The following THBS3 variants were observed in gnomAD, a reference collection of about 807,000 sequenced individuals.
The protein encoded by THBS3 is thrombospondin-3.
A neutral mutation model predicts 118.3 loss-of-function variants in THBS3; 78 were observed. The ratio of observed to expected loss-of-function variants is 0.66; its 90% confidence interval spans 0.55 to 0.80. THBS3 has a LOEUF of 0.80. Among genes scored for constraint, THBS3 ranks in the 30% least tolerant of loss-of-function variants. The pLI is 0.00. For synonymous variants in THBS3, 427 were observed against 475.3 expected, an observed-to-expected ratio of 0.90 and a Z score of 1.32; for missense variants, 1,057 against 1,247.4, an observed-to-expected ratio of 0.85 and a Z score of 2.30.
chr1:155,197,218 G>A lies in THBS3; in HGVS notation c.2500-5C>T, dbSNP rs774186512. ...GCCAGACACTGATGTCACTGCCTAG[G>A]AGACATTGGCAAAGACAGTGGGTCA... On this transcript the variant is annotated splice_polypyrimidine_tract_variant and splice_region_variant and intron_variant, in intron 20 of 22. Coordinates refer to ENST00000368378, the MANE Select transcript of THBS3 (RefSeq NM_007112.5). This position sits in a 1 kb window ranked among gnomAD's most constrained non-coding sequence, Gnocchi z 5.0. 3.1e-6 allele frequency: 5 copies of A among 1,612,134 alleles called. No individual in the cohort carries two copies. The highest frequency in any genetic ancestry group is 3.3e-5 in the Admixed American group (2 of 59,958).
At position 155,200,999 on chromosome 1, in the gene THBS3, G is replaced by A; in HGVS notation, c.1446C>T (p.Asn482=). Reference sequence around the variant, plus strand: ...GCCCAGAGTTGGGTGTCAAAAGGCAGTTGTCCTAAAGTTCAGGGGAAGAGG... The same window carrying A: ...GCCCAGAGTTGGGTGTCAAAAGGCAATTGTCCTAAAGTTCAGGGGAAGAGG... The part of the protein sequence containing the change: ...MDNNKHCKQD[N]CLLTPNSGQE... Residue 482 remains asparagine, a synonymous_variant, in exon 13 of 23, where the codon AAC becomes AAT. Coordinates refer to ENST00000368378, the MANE Select transcript of THBS3 (RefSeq NM_007112.5). The A allele has an allele frequency of 1.2e-6, 2 of 1,614,208 alleles. No homozygotes were observed. The highest frequency in any genetic ancestry group is 2.2e-5 in the South Asian group (2 of 91,084).
In THBS3 at chr1:155,201,399, G is replaced by A. The variant is rs199816143; in HGVS notation, c.1329+18C>T. On this transcript the variant is annotated intron_variant, in intron 11 of 22. Coordinates refer to ENST00000368378, the MANE Select transcript of THBS3 (RefSeq NM_007112.5). ...CCCAGACCCTCCCTTTTCCTTCCAC[G>A]CCTGAAGCCTAGCTCACCTGGCAGG... 56 of 1,585,128 alleles carry A rather than the reference G, an allele frequency of 3.5e-5. No individual in the cohort carries two copies. In the African/African-American group the frequency reaches 5.1e-4, roughly 14 times the overall value.
At position 155,198,086 on chromosome 1, in the gene THBS3, C is replaced by G. The variant is rs776932313; in HGVS notation, c.2209G>C (p.Glu737Gln). 3 of 1,614,200 alleles carry G rather than the reference C, an allele frequency of 1.9e-6. No individual in the cohort carries two copies. The South Asian group carries it at 3.3e-5, about 18-fold the overall frequency. Residue 737 changes from glutamate to glutamine, a missense_variant, in exon 18 of 23, where the codon GAG becomes CAG. Coordinates refer to ENST00000368378, the MANE Select transcript of THBS3 (RefSeq NM_007112.5). ...TTTGGGTCAATCTGAGCATCACCCT[C>G]AGGATCCAGGACGACGGTCTGATAG... ...RAYQTVVLDP[E>Q]GDAQIDPNWV...
Position 155,199,792 on chromosome 1 carries a change from C to T in THBS3, c.1880+12G>A, listed in dbSNP as rs1012069595. ...AAAAGAAAGACCTTGCGTCTCTTGA[C>T]CAAGACCTTACCTGTCTTCATTAGT... On this transcript the variant is annotated intron_variant, in intron 16 of 22. Coordinates refer to ENST00000368378, the MANE Select transcript of THBS3 (RefSeq NM_007112.5). 4 of 1,614,102 alleles carry T rather than the reference C, an allele frequency of 2.5e-6. No homozygotes were observed. In the African/African-American group the frequency reaches 4.0e-5, roughly 16 times the overall value.
At position 155,197,992 on chromosome 1, in the gene THBS3, C is replaced by T. The variant is rs1668976227; in HGVS notation, c.2253+50G>A. On this transcript the variant is annotated intron_variant, in intron 18 of 22. Coordinates refer to ENST00000368378, the MANE Select transcript of THBS3 (RefSeq NM_007112.5). This position sits in a 1 kb window ranked among gnomAD's most constrained non-coding sequence, Gnocchi z 5.0. ...GTGCTATCCCTCCCAGGCCCCCCGTCCCAGTAGCCCTGTCTGATAGCACCT... is the reference window on the plus strand; with the variant it reads ...GTGCTATCCCTCCCAGGCCCCCCGTTCCAGTAGCCCTGTCTGATAGCACCT... 3 of 1,613,944 alleles carry T rather than the reference C, an allele frequency of 1.9e-6. No homozygotes were observed. Among genetic ancestry groups the T allele is most frequent in the East Asian group, 2.2e-5 (1 of 44,900 alleles).
rs760164311 is a variant in THBS3, at chr1:155,199,858, TGAGA to T, written c.1828-6_1828-3del. On this transcript the variant is annotated splice_polypyrimidine_tract_variant and splice_region_variant and intron_variant, in intron 15 of 22. Coordinates refer to ENST00000368378, the MANE Select transcript of THBS3 (RefSeq NM_007112.5). ...CACCAGGTCGCTGTCTGCATCTGTC[TGAGA>T]GAGAGGGACCTGTTCTCACCATCTC... The T allele has an allele frequency of 6.2e-7, 1 of 1,614,216 alleles. No homozygotes were observed. The highest frequency in any genetic ancestry group is 8.5e-7 in the Non-Finnish European group (1 of 1,180,026).
chr1:155,196,792 G>T (rs1668741994), intron 21 of THBS3: 2 of 518,874 alleles, frequency 3.9e-6, no homozygotes, highest in Admixed American at 6.7e-5. Flanking sequence ...GATTGGCCTG[G>T]GTTTGGAGGC....
intron 2 of THBS3, 104 bp from the exon 3 acceptor site, chr1:155,205,420 C>T: frequency 6.9e-7 from 1 of 1,454,274 alleles, no homozygotes; most frequent in Non-Finnish European, 9.3e-7. Flanking sequence ...GGGCCCCTAT[C>T]CCTAATTCTA....
rs1044899163 is a variant in THBS3, at chr1:155,198,319, C to T, written c.2074+90G>A. On this transcript the variant is annotated intron_variant, in intron 17 of 22. Transcript: ENST00000368378. ...CTGCATTCCTGACATCTTTCCCCAC[C>T]TTGCCCTTCCTCACTTCCCAACAGG... 3 of 1,585,844 alleles carry T rather than the reference C, an allele frequency of 1.9e-6. No individual in the cohort carries two copies. The African/African-American group carries it at 4.0e-5, about 21-fold the overall frequency.
In THBS3 at chr1:155,195,697, C is replaced by A; in HGVS notation, c.*144G>T. 1.2e-6 allele frequency: 1 copy of A among 839,156 alleles called. No homozygotes were observed. The highest frequency in any genetic ancestry group is 1.9e-6 in the Non-Finnish European group (1 of 528,980). The allele number at this position is 839,156 out of a possible 1,614,324, so 52.0% of individuals were successfully genotyped here. ...ATCCCCTGAAGGGTGGGGTGACCAC[C>A]CCTCTGGGACTGAACTCCTTTTGGG... On this transcript the variant is annotated 3_prime_UTR_variant, in exon 23 of 23. Transcript: ENST00000368378.
rs1325679346 is a variant in THBS3 at position 155,202,149 on chromosome 1, C to T, written c.1098+112G>A. 3.3e-5 allele frequency: 52 copies of T among 1,597,726 alleles called. No homozygotes were observed. The highest frequency in any genetic ancestry group is 1.1e-4 in the East Asian group (5 of 44,666). ...TCAACATTAAGCCCAGACCCAAAGC[C>T]GATGCAAAGCCATCCATGTCCCATT... On this transcript the variant is annotated intron_variant, in intron 9 of 22. Transcript: ENST00000368378. The surrounding 1 kb of genome is among the most constrained non-coding windows in gnomAD (Gnocchi z 5.5).
In THBS3 at chr1:155,197,900, CTG is replaced by C; in HGVS notation, c.2280_2281del (p.Asn760LysfsTer2). ...CATACCAACTGCCAAGCCAGGGTCA[CTG>C]TTCATGGTCTGAACGATTTCCATGC... On this transcript the variant is annotated frameshift_variant, in exon 19 of 23. Coordinates refer to ENST00000368378, the MANE Select transcript of THBS3 (RefSeq NM_007112.5). LOFTEE classifies it high-confidence loss of function. The surrounding 1 kb of genome is among the most constrained non-coding windows in gnomAD (Gnocchi z 5.0). The C allele has an allele frequency of 6.2e-7, 1 of 1,614,104 alleles. No individual in the cohort carries two copies.
chr1:155,201,894 G>A (rs560177048), intron 10 of THBS3, 63 bp downstream of exon 10: 1 of 1,605,188 alleles, frequency 6.2e-7, no homozygotes, highest in Non-Finnish European at 8.5e-7. Context: ...AGGTAAGAAG[G>A]GGCGGGGGTT....
Position 155,198,139 on chromosome 1 carries a change from G to C in THBS3, c.2156C>G (p.Ala719Gly). ...VDPLDVCPESAEVTLTDFRAY... is the reference protein window; with the variant it reads ...VDPLDVCPESGEVTLTDFRAY... ...CCGAAAATCCGTAAGCGTTACCTCTGCACTTTCAGGACACACATCCAGGGG... is the reference window on the plus strand; with the variant it reads ...CCGAAAATCCGTAAGCGTTACCTCTCCACTTTCAGGACACACATCCAGGGG... The change falls in exon 18 of 23, where the codon GCA becomes GGA. Residue 719 changes from alanine (A) to glycine (G), a missense_variant. By Grantham distance (60) the Ala-to-Gly change is moderately conservative (BLOSUM62 0). Around this residue, in one of 3 missense-constraint regions of THBS3, gnomAD observed 307 missense variants for 326.1 expected, o/e 0.94. Coordinates refer to ENST00000368378, the MANE Select transcript of THBS3 (RefSeq NM_007112.5). The C allele has an allele frequency of 6.2e-7, 1 of 1,614,172 alleles. No homozygotes were observed. Among genetic ancestry groups the C allele is most frequent in the South Asian group, 1.1e-5 (1 of 91,090 alleles).
chr1:155,197,341 C>T lies in THBS3; in HGVS notation c.2499+122G>A, dbSNP rs745679821. The T allele has an allele frequency of 9.0e-5, 136 of 1,516,174 alleles. 1 individual carries two copies. The highest frequency in any genetic ancestry group is 1.1e-4 in the Non-Finnish European group (123 of 1,116,066). The allele number at this position is 1,516,174 out of a possible 1,614,324, so 93.9% of individuals were successfully genotyped here. On this transcript the variant is annotated intron_variant, in intron 20 of 22. Transcript: ENST00000368378. The surrounding 1 kb of genome is among the most constrained non-coding windows in gnomAD (Gnocchi z 5.0). ...AAAATGCCCTGGGGCCCCAGAGAGC[C>T]GGCCTCCAAGCCAGATGTCTGGGTA...
chr1:155,208,358 A>G (rs530000619), upstream of THBS3, among the ~76,000 whole-genome samples: 2 of 152,184 alleles, frequency 1.3e-5, no homozygotes, highest in Admixed American at 6.5e-5. Context: ...GTTCTGGCGG[A>G]GCAAGTGCTC....
chr1:155,206,471 A>G lies in THBS3; in HGVS notation c.80-65T>C. ...AAATGCTAAGGTATGCCCTCCCCCG[A>G]GCCCACATCACCCCCTACCCCCACC... On this transcript the variant is annotated intron_variant, in intron 1 of 22. Transcript: ENST00000368378. This position sits in a 1 kb window ranked among gnomAD's most constrained non-coding sequence, Gnocchi z 4.2. 1 of 1,417,436 alleles carries G rather than the reference A, an allele frequency of 7.1e-7. No individual in the cohort carries two copies. Among genetic ancestry groups the G allele is most frequent in the Middle Eastern group, 2.0e-4 (1 of 5,022 alleles). The allele number at this position is 1,417,436 out of a possible 1,614,324, so 87.8% of individuals were successfully genotyped here. A position where few individuals can be genotyped will look rare whatever the true frequency, so the allele number is the denominator to read the frequency against.
Position 155,197,264 on chromosome 1 carries a change from G to A in THBS3, c.2500-51C>T. ...GGTCAACTGCAGAACTGGAGTGAGG[G>A]GAGACAACAGGTCGGTAAGTGCAGG... On this transcript the variant is annotated intron_variant, in intron 20 of 22. Transcript: ENST00000368378. The surrounding 1 kb of genome is among the most constrained non-coding windows in gnomAD (Gnocchi z 5.0). The A allele has an allele frequency of 1.3e-6, 2 of 1,596,188 alleles. No homozygotes were observed. The highest frequency in any genetic ancestry group is 8.6e-7 in the Non-Finnish European group (1 of 1,165,786).
rs1456106679 is a variant in THBS3, at chr1:155,202,889, C to T, written c.880G>A (p.Glu294Lys). 5 of 1,613,860 alleles carry T rather than the reference C, an allele frequency of 3.1e-6. No homozygotes were observed. Among genetic ancestry groups the T allele is most frequent in the Admixed American group, 1.7e-5 (1 of 60,024 alleles). Residue 294 changes from glutamate to lysine, a missense_variant, in exon 8 of 23, where the codon GAG becomes AAG. Physicochemically the swap from Glu to Lys is moderately conservative, Grantham distance 56. Transcript: ENST00000368378. This position sits in a 1 kb window ranked among gnomAD's most constrained non-coding sequence, Gnocchi z 5.5. ...FRGVDCMEVYEYPGYRCGPCP... is the reference protein window; with the variant it reads ...FRGVDCMEVYKYPGYRCGPCP... ...GGCCCACAGCGGTAGCCTGGGTACT[C>T]GTACACTTCCATGCAGTCCACACCT...
Sources: gnomAD v4.1 joint callset for allele counts (sites outside exome capture counted in the v4.1 genomes callset) on GRCh38, gnomAD v4.1.1 for gene constraint, gnomAD v4.1.1 regional missense constraint, Gnocchi (gnomAD v3.1) non-coding constraint, MANE v1.5 for transcripts, NCBI Gene and HGNC (gene_info 2026-07-23, HGNC 2026-07-21) for gene names.